Variants in LRP1B observed in about 807,000 individuals in gnomAD.
LRP1B encodes LDL receptor related protein 1B.
Under a neutral mutation model 556.6 loss-of-function variants are expected in LRP1B, and 217 were observed. The ratio of observed to expected loss-of-function variants is 0.39; its 90% CI spans 0.35 to 0.44. The LOEUF is 0.44. Ranked by LOEUF, LRP1B falls within the 20% of genes least tolerant of loss-of-function variation. The probability of loss-of-function intolerance (pLI) is 1.00; values close to 1 mark genes in which losing one functional copy is unlikely to be tolerated. For synonymous variants in LRP1B, 2,047 were observed against 1,865.8 expected, an observed-to-expected ratio of 1.10 and a Z score of -2.50; for missense variants, 5,053 against 5,620.8, an observed-to-expected ratio of 0.90 and a Z score of 3.23.
intron 2 of LRP1B, among the ~76,000 whole-genome samples, chr2:141,730,668 C>A (rs940157671): frequency 6.6e-6 from 1 of 152,066 alleles, no homozygotes; most frequent in Non-Finnish European, 1.5e-5. Context: ...ATTTATGAGT[C>A]AGAGGAAACG....
At chr2:140,718,342 C>A (rs1005066729) in intron 35 of LRP1B, among the ~76,000 whole-genome samples, 1 of 151,968 alleles carries the variant, frequency 6.6e-6, no homozygotes, top group Non-Finnish European at 1.5e-5. Flanking sequence ...AATCAATCAC[C>A]AGATACTCTC....
At chr2:142,114,008 A>C (rs897223047) in intron 1 of LRP1B, among the ~76,000 whole-genome samples, 2 of 152,084 alleles carry the variant, frequency 1.3e-5, no homozygotes, top group African/African-American at 4.8e-5. Flanking sequence ...CCAATTGGTC[A>C]TGACTGGTCC....
Position 140,279,114 on chromosome 2 carries a change from T to C in LRP1B, c.12968-4516A>G, listed in dbSNP as rs147120153. Among the ~76,000 whole-genome samples the C allele has an allele frequency of 2.6e-3, 398 of 152,070 alleles. 3 individuals carry two copies. The highest frequency in any genetic ancestry group is 9.1e-3 in the African/African-American group (379 of 41,532). ...CTCTCTCTCTTTCTCTCTTTCTTTC[T>C]TGTCTTAAAGGCTTTACTATTTACT... On this transcript the variant is annotated intron_variant, in intron 84 of 90. Transcript: ENST00000389484.
In LRP1B at chr2:141,754,015, G is replaced by A. The variant is rs543491907; in HGVS notation, c.205+56264C>T. Among the ~76,000 whole-genome samples the A allele has an allele frequency of 5.3e-5, 8 of 152,236 alleles. No individual in the cohort carries two copies. The South Asian group carries it at 1.5e-3, about 28-fold the overall frequency. On this transcript the variant is annotated intron_variant, in intron 2 of 90. Transcript: ENST00000389484. ...TCAGACTTCCCCATACCAGGTCATA[G>A]CTATCTAGTTGTAGCTGCACTAGCA...
chr2:140,550,818 G>A (rs1410543923), intron 43 of LRP1B, among the ~76,000 whole-genome samples: 1 of 152,132 alleles, frequency 6.6e-6, no homozygotes, highest in Non-Finnish European at 1.5e-5. Flanking sequence ...ATAGTATTAT[G>A]AACTGAGTGT....
intron 2 of LRP1B, among the ~76,000 whole-genome samples, chr2:141,704,454 T>C (rs770274500): frequency 2.6e-5 from 4 of 151,930 alleles, no homozygotes; most frequent in Non-Finnish European, 5.9e-5. Flanking sequence ...ACGTAACATA[T>C]AAAACCCTCC....
At chr2:140,670,431 C>A (rs780822773) in intron 41 of LRP1B, among the ~76,000 whole-genome samples, 1 of 152,064 alleles carries the variant, frequency 6.6e-6, no homozygotes, top group African/African-American at 2.4e-5. Flanking sequence ...ACTTCCCAAA[C>A]CTAATAAATT....
chr2:141,643,358 T>C (rs981205927), intron 2 of LRP1B, among the ~76,000 whole-genome samples: 2 of 152,040 alleles, frequency 1.3e-5, no homozygotes, highest in South Asian at 2.1e-4. Context: ...AGGAATTAAG[T>C]GGTAAAGGGT....
At chr2:142,029,828 A>C (rs1359929504) in intron 1 of LRP1B, among the ~76,000 whole-genome samples, 1 of 151,772 alleles carries the variant, frequency 6.6e-6, no homozygotes, top group Non-Finnish European at 1.5e-5. Flanking sequence ...ATCTTTCTTC[A>C]CTTTTTTTTC....
At chr2:140,354,108 CTT>C (rs1028172454) in intron 75 of LRP1B, among the ~76,000 whole-genome samples, 2 of 152,030 alleles carry the variant, frequency 1.3e-5, no homozygotes, top group Non-Finnish European at 2.9e-5. Context: ...ATTTTCCTCT[CTT>C]TTCCTCCTCT....
intron 27 of LRP1B, among the ~76,000 whole-genome samples, chr2:140,859,956 C>CT (rs1382132911): frequency 5.3e-5 from 8 of 152,120 alleles, no homozygotes; most frequent in Middle Eastern, 3.4e-3. Flanking sequence ...GATCGCACCC[C>CT]TGCACTCCAG....
intron 66 of LRP1B, among the ~76,000 whole-genome samples, chr2:140,408,670 G>C (rs762396523): frequency 2.6e-5 from 4 of 151,920 alleles, no homozygotes; most frequent in Non-Finnish European, 4.4e-5. Flanking sequence ...CTATCTGAGG[G>C]AAAGGACACT....
intron 7 of LRP1B, among the ~76,000 whole-genome samples, chr2:141,123,494 C>A (rs1558876452): frequency 1.3e-5 from 2 of 152,028 alleles, no homozygotes; most frequent in Non-Finnish European, 2.9e-5. Flanking sequence ...TTAAAAGCAT[C>A]TATGTTTTGA....
At chr2:141,916,022 G>T (rs773898533) in intron 1 of LRP1B, among the ~76,000 whole-genome samples, 1 of 152,118 alleles carries the variant, frequency 6.6e-6, no homozygotes, top group Non-Finnish European at 1.5e-5. Flanking sequence ...TCTTGGATAC[G>T]TGGCAAGAAC....
At chr2:140,914,377 G>T (rs1694512851) in intron 21 of LRP1B, among the ~76,000 whole-genome samples, 1 of 152,116 alleles carries the variant, frequency 6.6e-6, no homozygotes, top group South Asian at 2.1e-4. Context: ...GTGTCAAAGG[G>T]TGCTTTCTGC....
intron 18 of LRP1B, among the ~76,000 whole-genome samples, chr2:140,972,791 A>G (rs1316861828): frequency 6.6e-6 from 1 of 151,806 alleles, no homozygotes; most frequent in African/African-American, 2.4e-5. Flanking sequence ...TGGAAACTAG[A>G]GAGAGGTGAA....
At chr2:141,215,962 C>T (rs1475952579) in intron 6 of LRP1B, among the ~76,000 whole-genome samples, 1 of 152,202 alleles carries the variant, frequency 6.6e-6, no homozygotes. Flanking sequence ...TGAGCAAATA[C>T]TTGCTACAGA....
intron 5 of LRP1B, among the ~76,000 whole-genome samples, 183 bp from the exon 6 acceptor site, chr2:141,229,623 A>T (rs920156558): frequency 6.6e-6 from 1 of 152,178 alleles, no homozygotes; most frequent in African/African-American, 2.4e-5. Flanking sequence ...TCTCTGAAAA[A>T]AAAATTCTGC....
At chr2:140,563,633 A>T (rs1384222745) in intron 43 of LRP1B, among the ~76,000 whole-genome samples, 1 of 152,166 alleles carries the variant, frequency 6.6e-6, no homozygotes. Flanking sequence ...AAGCAATTTC[A>T]TGAGAAAATT....
Sources: gnomAD v4.1 joint callset for allele counts (sites outside exome capture counted in the v4.1 genomes callset) on GRCh38, gnomAD v4.1.1 for gene constraint, MANE v1.5 for transcripts, NCBI Gene and HGNC (gene_info 2026-07-23, HGNC 2026-07-21) for gene names.